Variants in CCDC3 observed in about 807,000 individuals in gnomAD.
CCDC3 encodes coiled-coil domain-containing protein 3.
CCDC3 carries 24 observed loss-of-function variants against 21.4 expected under a neutral mutation model. The observed-to-expected ratio is 1.12, with a 90% CI of 0.81 to 1.58. CCDC3 has a LOEUF of 1.58. Ranked by LOEUF, CCDC3 falls within the 40% of genes most tolerant of loss-of-function variation. The probability of loss-of-function intolerance (pLI) is 0.00; values close to 1 mark genes in which losing one functional copy is unlikely to be tolerated. For synonymous variants in CCDC3, 186 were observed against 166.0 expected (o/e 1.12, Z -0.93); for missense variants, 425 against 360.9 (o/e 1.18, Z -1.44).
intron 4 of CCDC3, among the ~76,000 whole-genome samples, chr10:13,050,228 T>A (rs1220961213): frequency 1.3e-5 from 2 of 152,134 alleles, no homozygotes; most frequent in Admixed American, 6.5e-5. Context: ...GCAGCCTGTG[T>A]GTGTGTCTGT....
At chr10:12,925,507 A>G (rs532595317) in intron 2 of CCDC3, among the ~76,000 whole-genome samples, 1 of 152,338 alleles carries the variant, frequency 6.6e-6, no homozygotes, top group African/African-American at 2.4e-5. Flanking sequence ...GTCTGCCTGA[A>G]TGCCCCTGTG....
At chr10:12,903,028 C>T (rs1243769068) in intron 2 of CCDC3, among the ~76,000 whole-genome samples, 3 of 152,256 alleles carry the variant, frequency 2.0e-5, no homozygotes, top group Middle Eastern at 3.4e-3. Context: ...CTTTGGTCCT[C>T]GTGGCCTCTA....
At chr10:12,993,184 C>T (rs554764877) in intron 2 of CCDC3, among the ~76,000 whole-genome samples, 17 of 152,262 alleles carry the variant, frequency 1.1e-4, no homozygotes, top group Admixed American at 5.2e-4. Context: ...AATCAGCTTC[C>T]AGTAATAAGC....
chr10:12,948,611 TAG>T (rs1370470154), intron 2 of CCDC3, among the ~76,000 whole-genome samples: 2 of 152,080 alleles, frequency 1.3e-5, no homozygotes, highest in East Asian at 3.9e-4. Flanking sequence ...CATTGTCAAA[TAG>T]AGTTTGCCCT....
intron 1 of CCDC3, among the ~76,000 whole-genome samples, chr10:12,999,017 A>T (rs1360881589): frequency 6.6e-6 from 1 of 152,214 alleles, no homozygotes; most frequent in Admixed American, 6.5e-5. Flanking sequence ...AGGCAGGTGG[A>T]TCACCTAAGG....
chr10:13,030,010 G>A (rs1043214937), intron 5 of CCDC3, among the ~76,000 whole-genome samples: 3 of 152,068 alleles, frequency 2.0e-5, no homozygotes, highest in African/African-American at 7.2e-5. Context: ...GATACTCCTC[G>A]AGAAGAGCAA....
intron 3 of CCDC3, among the ~76,000 whole-genome samples, chr10:13,086,681 C>T (rs1399605256): frequency 8.5e-5 from 13 of 152,148 alleles, no homozygotes; most frequent in Admixed American, 7.9e-4. Context: ...CTCCTGACCT[C>T]GTGACCCGCC....
chr10:12,992,457 T>C (rs1835696313), intron 2 of CCDC3, among the ~76,000 whole-genome samples: 1 of 152,188 alleles, frequency 6.6e-6, no homozygotes, highest in African/African-American at 2.4e-5. Context: ...ATATATGTCA[T>C]GGAATACTAC....
intron 2 of CCDC3, among the ~76,000 whole-genome samples, chr10:12,996,461 G>A (rs149261264): frequency 6.6e-6 from 1 of 152,050 alleles, no homozygotes; most frequent in African/African-American, 2.4e-5. Flanking sequence ...TCAGCCTCCC[G>A]AGTAGCTGGA....
intron 5 of CCDC3, among the ~76,000 whole-genome samples, chr10:13,018,620 T>C (rs893303129): frequency 2.0e-5 from 3 of 152,094 alleles, no homozygotes; most frequent in Non-Finnish European, 2.9e-5. Context: ...TAGTGGGATA[T>C]TATGATGGAC....
intron 5 of CCDC3, among the ~76,000 whole-genome samples, chr10:13,044,641 G>A (rs1836500681): frequency 6.6e-6 from 1 of 152,162 alleles, no homozygotes; most frequent in Admixed American, 6.5e-5. Flanking sequence ...CTTTGTTGAA[G>A]ATCAGATGGC....
chr10:13,014,197 T>C (rs759912378), intron 5 of CCDC3, among the ~76,000 whole-genome samples: 7 of 151,130 alleles, frequency 4.6e-5, no homozygotes, highest in African/African-American at 1.5e-4. Context: ...CTCATGCCTA[T>C]AATCCCAGCA....
intron 2 of CCDC3, among the ~76,000 whole-genome samples, chr10:12,906,390 T>C (rs1176669727): frequency 3.3e-5 from 5 of 151,996 alleles, no homozygotes; most frequent in African/African-American, 4.8e-5. Flanking sequence ...AAGGCGGAGA[T>C]GGAGTCAGGG....
chr10:12,961,054 T>C lies in CCDC3; in HGVS notation c.549+37284A>G, dbSNP rs1364439912. 2.0e-5 allele frequency among the ~76,000 whole-genome samples: 3 copies of C among 152,112 alleles called. No homozygotes were observed. In the East Asian group the frequency reaches 5.8e-4, roughly 29 times the overall value. ...GAGGCCAAGACATGCGCCTTTCCCT[T>C]CGCAACCTGGATGGCCTCCGAGGTG... On this transcript the variant is annotated intron_variant, in intron 2 of 2. Coordinates refer to ENST00000378825, the MANE Select transcript of CCDC3 (RefSeq NM_031455.4).
intron 2 of CCDC3, among the ~76,000 whole-genome samples, chr10:12,983,479 G>A (rs891016465): frequency 2.0e-5 from 3 of 151,512 alleles, no homozygotes; most frequent in African/African-American, 7.3e-5. Context: ...GCTGAGGCAG[G>A]AAGATCATTT....
At chr10:13,003,965 G>A (rs61004406), upstream of CCDC3, among the ~76,000 whole-genome samples, 3,743 of 152,252 alleles carry the variant, frequency 0.025, 148 homozygotes, top group African/African-American at 0.084. Flanking sequence ...CACTGATTGG[G>A]TTTCTCTTCC....
intron 2 of CCDC3, among the ~76,000 whole-genome samples, chr10:12,981,177 A>ATTTT (rs59193619): frequency 0.023 from 2,449 of 105,474 alleles, 105 homozygotes; most frequent in African/African-American, 0.042. Context: ...CTGGCCCAGG[A>ATTTT]TTTTTTTTTT....
At chr10:12,966,872 T>C (rs1034510429) in intron 2 of CCDC3, among the ~76,000 whole-genome samples, 2 of 152,204 alleles carry the variant, frequency 1.3e-5, no homozygotes, top group African/African-American at 4.8e-5. Flanking sequence ...TTCAAAACAG[T>C]TTCCCGTATC....
At chr10:13,077,029 G>T (rs1327419014) in intron 3 of CCDC3, among the ~76,000 whole-genome samples, 1 of 152,184 alleles carries the variant, frequency 6.6e-6, no homozygotes, top group African/African-American at 2.4e-5. Flanking sequence ...GCAGGAGAAA[G>T]AAATAAAGGG....
Sources: gnomAD v4.1 joint callset for allele counts (sites outside exome capture counted in the v4.1 genomes callset) on GRCh38, gnomAD v4.1.1 for gene constraint, MANE v1.5 for transcripts, NCBI Gene and HGNC (gene_info 2026-07-23, HGNC 2026-07-21) for gene names.